The following CUX2 variants were observed in gnomAD, a reference collection of about 807,000 sequenced individuals.
CUX2 encodes the protein cut like homeobox 2.
Under a neutral mutation model 144.8 loss-of-function variants are expected in CUX2, and 40 were observed. That is an observed-to-expected ratio of 0.28 (90% CI 0.21 to 0.36). The LOEUF (loss-of-function observed/expected upper bound fraction) is 0.36. CUX2 is among the 10% of genes least tolerant of loss of function. The pLI, the probability that CUX2 is intolerant of heterozygous loss-of-function variation, is 1.00. For missense variants in CUX2, 1,615 were observed against 1,994.0 expected (o/e 0.81, Z 3.62); for synonymous variants, 827 against 875.6 (o/e 0.94, Z 0.98).
intron 1 of CUX2, among the ~76,000 whole-genome samples, chr12:111,189,779 G>A (rs1034119138): frequency 6.6e-6 from 1 of 152,172 alleles, no homozygotes; most frequent in African/African-American, 2.4e-5. Flanking sequence ...GGGTGATGCC[G>A]ACGCTGCTGG....
intron 1 of CUX2, among the ~76,000 whole-genome samples, chr12:111,107,841 G>A (rs1873704127): frequency 6.6e-6 from 1 of 152,036 alleles, no homozygotes; most frequent in South Asian, 2.1e-4. Context: ...TACAAAAACA[G>A]TACAAAGAAT....
At chr12:111,043,236 C>T (rs963467246) in intron 1 of CUX2, among the ~76,000 whole-genome samples, 18 of 152,056 alleles carry the variant, frequency 1.2e-4, no homozygotes, top group African/African-American at 4.1e-4. Flanking sequence ...GAGTAGATTC[C>T]GAGACAGTAT....
At chr12:111,248,688 C>T (rs1423440337) in intron 3 of CUX2, among the ~76,000 whole-genome samples, 8 of 152,092 alleles carry the variant, frequency 5.3e-5, no homozygotes, top group South Asian at 2.1e-4. Flanking sequence ...GGGGCCTGGA[C>T]GGGCTCACAC....
rs767409363 is a variant in CUX2 at position 111,304,312 on chromosome 12, G to T, written c.856G>T (p.Gly286Trp). 6.2e-7 allele frequency: 1 copy of T among 1,612,892 alleles called. No homozygotes were observed. Among genetic ancestry groups the T allele is most frequent in the Non-Finnish European group, 8.5e-7 (1 of 1,179,298 alleles). ...LACCSPQGPS[G>W]DKVNFTLCSG... ...TTGCTGCTCTCCCCAGGGGCCCAGT[G>T]GGGTAAGGATGGGGTTGGGGAAGTG... Residue 286 changes from glycine to tryptophan, a missense_variant and splice_region_variant, in exon 10 of 22, where the codon GGG (glycine) becomes TGG (tryptophan). Coordinates refer to ENST00000261726, the MANE Select transcript of CUX2 (RefSeq NM_015267.4). The surrounding 1 kb of genome is among the most constrained non-coding windows in gnomAD (Gnocchi z 4.7).
rs76545381 is a variant in CUX2 at position 111,091,450 on chromosome 12, G to C, written c.63+57210G>C. On this transcript the variant is annotated intron_variant, in intron 1 of 21. Transcript: ENST00000261726. Reference sequence around the variant, plus strand: ...CCCTGTACAGACCCCTAAGAACAGAGATCAGGCCATCGAGGGGTGCAGGAT... The same window carrying C: ...CCCTGTACAGACCCCTAAGAACAGACATCAGGCCATCGAGGGGTGCAGGAT... Among the ~76,000 whole-genome samples, 1,241 of 152,282 alleles carry C rather than the reference G, an allele frequency of 8.1e-3. 18 individuals are homozygous for C. The highest frequency in any genetic ancestry group is 0.029 in the African/African-American group (1,199 of 41,550).
In CUX2 at chr12:111,094,219, C is replaced by T. The variant is rs953065586; in HGVS notation, c.63+59979C>T. ...GAAGCTAAGCAAAAATTATCCTGGC[C>T]ATTCCCGTGGCAGAATCGATCACTC... On this transcript the variant is annotated intron_variant, in intron 1 of 21. Transcript: ENST00000261726. Among the ~76,000 whole-genome samples, 3 of 152,204 alleles carry T rather than the reference C, an allele frequency of 2.0e-5. No homozygotes were observed. The East Asian group carries it at 5.8e-4, about 29-fold the overall frequency.
rs767141994 is a variant in CUX2, at chr12:111,295,418, C to T, written c.637+9C>T. On this transcript the variant is annotated intron_variant, in intron 7 of 21. Transcript: ENST00000261726. The surrounding 1 kb of genome is among the most constrained non-coding windows in gnomAD (Gnocchi z 5.0). ...CAAAGTCCTACATTCAGGTATGTGT[C>T]GGCACCATGTGGCCTAGAGGGAGGA... The T allele has an allele frequency of 3.7e-6, 6 of 1,609,964 alleles. No individual in the cohort carries two copies. Among genetic ancestry groups the T allele is most frequent in the East Asian group, 4.5e-5 (2 of 44,648 alleles).
chr12:111,295,923 C>T lies in CUX2; in HGVS notation c.637+514C>T, dbSNP rs1385996558. Among the ~76,000 whole-genome samples, 1 of 152,052 alleles carries T rather than the reference C, an allele frequency of 6.6e-6. No individual in the cohort carries two copies. The highest frequency in any genetic ancestry group is 1.5e-5 in the Non-Finnish European group (1 of 68,004). On this transcript the variant is annotated intron_variant, in intron 7 of 21. Coordinates refer to ENST00000261726, the MANE Select transcript of CUX2 (RefSeq NM_015267.4). This position sits in a 1 kb window ranked among gnomAD's most constrained non-coding sequence, Gnocchi z 5.0. ...ACTGCTTAGTACCAGCCAGGCGCTA[C>T]CATATGGTCCCCTGTGGCCAGGCCC...
intron 19 of CUX2, among the ~76,000 whole-genome samples, chr12:111,336,609 G>A (rs1302238189): frequency 6.6e-6 from 1 of 151,718 alleles, no homozygotes; most frequent in East Asian, 2.0e-4. Flanking sequence ...CACCACTCCT[G>A]GCTAATTTTT....
intron 1 of CUX2, among the ~76,000 whole-genome samples, chr12:111,080,131 G>A (rs1435993063): frequency 6.6e-6 from 1 of 152,056 alleles, no homozygotes; most frequent in African/African-American, 2.4e-5. Context: ...CAGGGCCTTT[G>A]CACTGGCTGT....
Position 111,171,959 on chromosome 12 carries a change from G to A in CUX2, c.64-42241G>A, listed in dbSNP as rs3809296. ...CCTGTGTACACGTGCGTGTGTGTGC[G>A]TGCATGTGCATGCACCTGTGTGTGT... is the stretch of plus-strand genomic sequence containing the variant. On this transcript the variant is annotated intron_variant, in intron 1 of 21. Coordinates refer to ENST00000261726, the MANE Select transcript of CUX2 (RefSeq NM_015267.4). This position sits in a 1 kb window ranked among gnomAD's most constrained non-coding sequence, Gnocchi z 5.0. Among the ~76,000 whole-genome samples the A allele has an allele frequency of 0.29, 43,681 of 152,088 alleles. 8,839 individuals are homozygous for A. The highest frequency in any genetic ancestry group is 0.57 in the African/African-American group (23,520 of 41,478).
chr12:111,187,654 C>A (rs1259399032), intron 1 of CUX2, among the ~76,000 whole-genome samples: 1 of 152,222 alleles, frequency 6.6e-6, no homozygotes, highest in Non-Finnish European at 1.5e-5. Flanking sequence ...TGTCTGTGCA[C>A]AACAGGCCGG....
intron 1 of CUX2, among the ~76,000 whole-genome samples, chr12:111,202,870 G>A (rs115777129): frequency 0.01 from 1,532 of 152,162 alleles, 30 homozygotes; most frequent in African/African-American, 0.035. Context: ...CTAAGCCTCC[G>A]AGCAGGTGAG....
chr12:111,108,867 G>A lies in CUX2; in HGVS notation c.63+74627G>A, dbSNP rs192001071. 9.3e-4 allele frequency among the ~76,000 whole-genome samples: 141 copies of A among 152,144 alleles called. No individual in the cohort carries two copies. The South Asian group carries it at 0.012, about 13-fold the overall frequency. On this transcript the variant is annotated intron_variant, in intron 1 of 21. Coordinates refer to ENST00000261726, the MANE Select transcript of CUX2 (RefSeq NM_015267.4). Reference sequence around the variant, plus strand: ...GTGCATCTTCATGGTGTCATTTAATGCTCTCCTCCATCCCCTGGGTCTCCT... The same window carrying A: ...GTGCATCTTCATGGTGTCATTTAATACTCTCCTCCATCCCCTGGGTCTCCT...
Position 111,310,141 on chromosome 12 carries a change from C to T in CUX2, c.1359C>T (p.Asp453=), listed in dbSNP as rs760224285. ...QQLPPPPGPE[D]PLSPSPGQPL... ...TCCCACCTCCACCAGGGCCAGAAGA[C>T]CCCCTGTCTCCCAGCCCCGGGCAGC... is the stretch of plus-strand genomic sequence containing the variant. The change falls in exon 15 of 22, where the codon GAC becomes GAT. Residue 453 remains aspartate (D), a synonymous_variant. Transcript: ENST00000261726. The surrounding 1 kb of genome is among the most constrained non-coding windows in gnomAD (Gnocchi z 7.9). 2 of 1,532,396 alleles carry T rather than the reference C, an allele frequency of 1.3e-6. No homozygotes were observed. The highest frequency in any genetic ancestry group is 8.8e-7 in the Non-Finnish European group (1 of 1,140,804). 94.9% of individuals were successfully genotyped at this position (1,532,396 alleles called of 1,614,324 possible).
intron 1 of CUX2, among the ~76,000 whole-genome samples, chr12:111,042,758 A>G (rs933716878): frequency 1.3e-5 from 2 of 150,846 alleles, no homozygotes; most frequent in Non-Finnish European, 2.9e-5. Flanking sequence ...CAGCCTCCCA[A>G]GTAGCTGGGA....
intron 1 of CUX2, among the ~76,000 whole-genome samples, chr12:111,199,499 A>C (rs1592831107): frequency 6.6e-6 from 1 of 152,136 alleles, no homozygotes; most frequent in South Asian, 2.1e-4. Flanking sequence ...CCCAGCCCAC[A>C]CACCTAAGTT....
chr12:111,143,663 C>A (rs956855031), intron 1 of CUX2, among the ~76,000 whole-genome samples: 14 of 152,230 alleles, frequency 9.2e-5, no homozygotes, highest in African/African-American at 3.4e-4. Flanking sequence ...AGAGACAATG[C>A]CGACTTTCCA....
intron 19 of CUX2, among the ~76,000 whole-genome samples, chr12:111,335,153 G>C (rs1888292614): frequency 6.6e-6 from 1 of 152,200 alleles, no homozygotes; most frequent in Admixed American, 6.5e-5. Flanking sequence ...CATTTTGGGA[G>C]GCCCAGGCAG....
Sources: allele counts gnomAD v4.1 joint callset (sites outside exome capture counted in the v4.1 genomes callset), GRCh38; gene constraint gnomAD v4.1.1; non-coding constraint Gnocchi (gnomAD v3.1); transcripts MANE v1.5; gene names NCBI Gene and HGNC (gene_info 2026-07-23, HGNC 2026-07-21).